The following C21orf91 variants were observed in gnomAD, a reference collection of about 807,000 sequenced individuals.
C21orf91 encodes protein EURL homolog.
C21orf91 carries 26 observed loss-of-function variants against 32.9 expected under a neutral mutation model. That is an observed-to-expected ratio of 0.79 (90% confidence interval 0.58 to 1.10). The LOEUF (loss-of-function observed/expected upper bound fraction) is 1.10, where lower values mean the gene tolerates loss of function less well. Among genes scored for constraint, C21orf91 ranks in the 50% least tolerant of loss-of-function variants. The pLI is 0.00. For synonymous variants in C21orf91, 126 were observed against 120.4 expected, an observed-to-expected ratio of 1.05 and a Z score of -0.31; for missense variants, 310 against 341.3, an observed-to-expected ratio of 0.91 and a Z score of 0.72.
intron 2 of C21orf91, among the ~76,000 whole-genome samples, chr21:17,805,115 C>T (rs2062586269): frequency 6.6e-6 from 1 of 152,164 alleles, no homozygotes; most frequent in Non-Finnish European, 1.5e-5. Context: ...AGCCAGTAGC[C>T]ACAAATGGCT....
At chr21:17,815,644 CCCT>C (rs914459440) in intron 2 of C21orf91, among the ~76,000 whole-genome samples, 9 of 152,034 alleles carry the variant, frequency 5.9e-5, no homozygotes, top group African/African-American at 1.9e-4. Flanking sequence ...ATCCTCATTT[CCCT>C]CCTCTTTTCT....
chr21:17,807,787 G>C (rs139720128), intron 2 of C21orf91, among the ~76,000 whole-genome samples: 1 of 152,198 alleles, frequency 6.6e-6, no homozygotes, highest in Admixed American at 6.5e-5. Context: ...CTTTGAACTT[G>C]AGAGTGATGA....
rs958257451 is a variant in C21orf91 at position 17,791,858 on chromosome 21, A to C, written c.*1557T>G. The C allele has an allele frequency of 1.3e-5, 2 of 152,176 alleles. No individual in the cohort carries two copies. Among genetic ancestry groups the C allele is most frequent in the African/African-American group, 2.4e-5 (1 of 41,464 alleles). 9.4% of individuals were successfully genotyped at this position (152,176 alleles called of 1,614,324 possible). On this transcript the variant is annotated 3_prime_UTR_variant, in exon 5 of 5. Transcript: ENST00000284881. ...AAGTAATGTTATACTTCAAAGAAAA[A>C]CAAAATCAACAGATATCAATTAATA...
intron 2 of C21orf91, among the ~76,000 whole-genome samples, chr21:17,798,524 T>C (rs1295177488): frequency 6.6e-6 from 1 of 152,214 alleles, no homozygotes; most frequent in Admixed American, 6.5e-5. Flanking sequence ...CTGAGCCTTG[T>C]TTTTTCCAAT....
chr21:17,807,536 G>A (rs1338384376), intron 2 of C21orf91, among the ~76,000 whole-genome samples: 1 of 152,222 alleles, frequency 6.6e-6, no homozygotes, highest in African/African-American at 2.4e-5. Context: ...AATGCGCAGA[G>A]GTTGGAACAG....
intron 2 of C21orf91, among the ~76,000 whole-genome samples, chr21:17,815,039 G>C (rs2062656477): frequency 6.6e-6 from 1 of 152,112 alleles, no homozygotes; most frequent in African/African-American, 2.4e-5. Flanking sequence ...CCAACTTAGA[G>C]CCATGCCCAC....
Position 17,818,242 on chromosome 21 carries a change from T to A in C21orf91, c.77A>T (p.Asp26Val), listed in dbSNP as rs1312954598. The A allele has an allele frequency of 1.2e-6, 2 of 1,610,910 alleles. No individual in the cohort carries two copies. Among genetic ancestry groups the A allele is most frequent in the East Asian group, 4.5e-5 (2 of 44,858 alleles). Reference sequence around the variant, plus strand: ...GTGGCAGAAGGAGAGTGTTTCTTTGTCTGTTCCCAGTTTACAAACACTGCA... The same window carrying A: ...GTGGCAGAAGGAGAGTGTTTCTTTGACTGTTCCCAGTTTACAAACACTGCA... ...NICSVCKLGT[D>V]KETLSFCHIC... Residue 26 changes from aspartate to valine, a missense_variant, in exon 2 of 5, where the codon GAC (aspartate) becomes GTC (valine). Asp to Val is a radical substitution (Grantham distance 152). Transcript: ENST00000284881.
In C21orf91 at chr21:17,795,216, T is replaced by C. The variant is rs774226831; in HGVS notation, c.719A>G (p.Gln240Arg). The C allele has an allele frequency of 2.5e-6, 4 of 1,608,754 alleles. No individual in the cohort carries two copies. Among genetic ancestry groups the C allele is most frequent in the Non-Finnish European group, 3.4e-6 (4 of 1,175,302 alleles). ...VEQLNAKLLQ[Q>R]IQEVFEELTH... is the part of the protein sequence containing the mutation. ...CTGACAGTGATTCTTACCCTGGATT[T>C]GCTGTAGGAGCTTTGCATTCAGTTG... The change falls in exon 4 of 5, where the codon CAA (glutamine) becomes CGA (arginine). Residue 240 changes from glutamine to arginine, a missense_variant. Gln to Arg is a conservative substitution (Grantham distance 43, BLOSUM62 1). Coordinates refer to ENST00000284881, the MANE Select transcript of C21orf91 (RefSeq NM_001100420.2).
intron 2 of C21orf91, among the ~76,000 whole-genome samples, chr21:17,815,734 C>T (rs2062661174): frequency 6.6e-6 from 1 of 151,992 alleles, no homozygotes; most frequent in Non-Finnish European, 1.5e-5. Context: ...AATCTCAGCT[C>T]ACTGCAACCT....
intron 2 of C21orf91, 62 bp downstream of exon 2, chr21:17,818,130 A>G: frequency 8.0e-7 from 1 of 1,252,960 alleles, no homozygotes; most frequent in Non-Finnish European, 1.1e-6. Flanking sequence ...TTACCTTACA[A>G]TCAGTACAAA....
intron 2 of C21orf91, among the ~76,000 whole-genome samples, chr21:17,817,161 G>A (rs2062669242): frequency 6.6e-6 from 1 of 152,022 alleles, no homozygotes; most frequent in Non-Finnish European, 1.5e-5. Flanking sequence ...ATTTATTAAA[G>A]CTGAAGTTAT....
intron 2 of C21orf91, among the ~76,000 whole-genome samples, chr21:17,809,340 TAA>T (rs1491534952): frequency 6.6e-6 from 1 of 152,364 alleles, no homozygotes; most frequent in East Asian, 1.9e-4. Flanking sequence ...CTAAAATACT[TAA>T]AGATACTGAA....
At chr21:17,807,935 A>G (rs779227620) in intron 2 of C21orf91, among the ~76,000 whole-genome samples, 1 of 152,242 alleles carries the variant, frequency 6.6e-6, no homozygotes, top group Non-Finnish European at 1.5e-5. Flanking sequence ...AGGGTATAAG[A>G]CTTCAGAAAA....
At chr21:17,814,305 T>C (rs1428514858) in intron 2 of C21orf91, among the ~76,000 whole-genome samples, 30 of 152,186 alleles carry the variant, frequency 2.0e-4, no homozygotes, top group Admixed American at 2.0e-3. Flanking sequence ...CAGTTTGAAC[T>C]ATGATGCATA....
intron 2 of C21orf91, 121 bp from the exon 3 acceptor site, chr21:17,797,239 G>A: frequency 1.7e-6 from 1 of 592,570 alleles, no homozygotes; most frequent in Non-Finnish European, 2.9e-6. Context: ...GAGGAAAAAT[G>A]CTAAAGAATA....
intron 4 of C21orf91, among the ~76,000 whole-genome samples, chr21:17,794,560 TA>T (rs1019678411): frequency 6.6e-6 from 1 of 152,236 alleles, no homozygotes; most frequent in African/African-American, 2.4e-5. Flanking sequence ...ATGCCTTTGC[TA>T]ACAGTTGAAG....
chr21:17,796,579 T>G lies in C21orf91; in HGVS notation c.664+3A>C. 1.3e-6 allele frequency: 2 copies of G among 1,593,944 alleles called. No individual in the cohort carries two copies. Among genetic ancestry groups the G allele is most frequent in the Non-Finnish European group, 1.7e-6 (2 of 1,168,784 alleles). On this transcript the variant is annotated splice_donor_region_variant and intron_variant, in intron 3 of 4. Transcript: ENST00000284881. ...CTTTTACTTTTCTCCCCATTTTACT[T>G]ACATTCCTCTCTGCTGTAATGTGGA...
At position 17,793,368 on chromosome 21, in the gene C21orf91, C is replaced by T. The variant is rs778294780; in HGVS notation, c.*47G>A. 1 of 1,415,000 alleles carries T rather than the reference C, an allele frequency of 7.1e-7. No individual in the cohort carries two copies. Among genetic ancestry groups the T allele is most frequent in the South Asian group, 1.6e-5 (1 of 62,912 alleles). 87.7% of individuals were successfully genotyped at this position (1,415,000 alleles called of 1,614,324 possible). A position where few individuals can be genotyped will look rare whatever the true frequency, so the allele number is the denominator to read the frequency against. ...TCAAACTTCTTCAAAGTTTGCATGT[C>T]TGGGAGACCAATAAAGGGCAGGGCA... is the stretch of plus-strand genomic sequence containing the variant. On this transcript the variant is annotated 3_prime_UTR_variant, in exon 5 of 5. Coordinates refer to ENST00000284881, the MANE Select transcript of C21orf91 (RefSeq NM_001100420.2).
At chr21:17,812,745 C>T (rs985844097) in intron 2 of C21orf91, among the ~76,000 whole-genome samples, 1 of 151,804 alleles carries the variant, frequency 6.6e-6, no homozygotes, top group African/African-American at 2.4e-5. Context: ...GGAGGCGGAG[C>T]TTGCAGTGAG....
Sources: allele counts gnomAD v4.1 joint callset (sites outside exome capture counted in the v4.1 genomes callset), GRCh38; gene constraint gnomAD v4.1.1; transcripts MANE v1.5; gene names NCBI Gene and HGNC (gene_info 2026-07-23, HGNC 2026-07-21).